OPCML: variants seen among roughly 807,000 people sequenced by gnomAD.
OPCML encodes opioid binding protein/cell adhesion molecule like, also known as opioid-binding protein/cell adhesion molecule.
A neutral mutation model predicts 37.8 loss-of-function variants in OPCML; 13 were observed. The ratio of observed to expected loss-of-function variants is 0.34; its 90% CI spans 0.22 to 0.55. OPCML has a LOEUF of 0.55. Ranked by LOEUF, OPCML falls within the 20% of genes least tolerant of loss-of-function variation. OPCML has a pLI of 0.91. For missense variants in OPCML, 341 were observed against 435.6 expected, an observed-to-expected ratio of 0.78 and a Z score of 1.93; for synonymous variants, 176 against 168.8, an observed-to-expected ratio of 1.04 and a Z score of -0.33.
At chr11:132,902,197 C>T (rs959129295) in intron 2 of OPCML, among the ~76,000 whole-genome samples, 1 of 152,196 alleles carries the variant, frequency 6.6e-6, no homozygotes, top group Admixed American at 6.5e-5. Flanking sequence ...GGAACCCCAA[C>T]TTTCTTCATT....
chr11:133,342,448 G>A (rs1236652216), intron 1 of OPCML, among the ~76,000 whole-genome samples: 2 of 152,168 alleles, frequency 1.3e-5, no homozygotes, highest in African/African-American at 2.4e-5. Flanking sequence ...CATAGAGCAG[G>A]GAAAATCACT....
intron 4 of OPCML, among the ~76,000 whole-genome samples, chr11:132,498,741 A>G (rs967250550): frequency 6.4e-5 from 9 of 140,550 alleles, no homozygotes; most frequent in Admixed American, 6.1e-4. Context: ...TGATGTTTTA[A>G]AATATGGCTC....
chr11:133,117,568 T>C (rs1949355959), intron 1 of OPCML, among the ~76,000 whole-genome samples: 1 of 152,182 alleles, frequency 6.6e-6, no homozygotes, highest in Non-Finnish European at 1.5e-5. Flanking sequence ...TTTTTCGATG[T>C]TATGCTCATA....
intron 1 of OPCML, among the ~76,000 whole-genome samples, chr11:133,196,682 G>C (rs1451543330): frequency 6.6e-6 from 1 of 152,168 alleles, no homozygotes; most frequent in Admixed American, 6.5e-5. Context: ...CAATGTTTGT[G>C]AGGAGGGTGA....
intron 1 of OPCML, among the ~76,000 whole-genome samples, chr11:133,453,604 G>A (rs745430242): frequency 8.5e-5 from 13 of 152,090 alleles, no homozygotes; most frequent in Non-Finnish European, 1.6e-4. Flanking sequence ...GTCAGCCCTG[G>A]CTACCCTTGG....
chr11:132,438,404 C>T (rs1452613467), intron 4 of OPCML, among the ~76,000 whole-genome samples: 1 of 152,250 alleles, frequency 6.6e-6, no homozygotes, highest in Non-Finnish European at 1.5e-5. Flanking sequence ...GAGCTTTCGC[C>T]ACAACCTTGT....
chr11:133,216,403 C>T (rs750270), intron 1 of OPCML, among the ~76,000 whole-genome samples: 12,518 of 152,200 alleles, frequency 0.082, 574 homozygotes, highest in Middle Eastern at 0.2. Flanking sequence ...ACGTATTAGA[C>T]GAATTTGTTC....
chr11:132,799,631 A>G (rs1938527682), intron 2 of OPCML, among the ~76,000 whole-genome samples: 1 of 152,136 alleles, frequency 6.6e-6, no homozygotes, highest in Admixed American at 6.6e-5. Flanking sequence ...TGTGAGAATT[A>G]ATAATATGTG....
chr11:133,289,674 G>C (rs555226350), intron 1 of OPCML, among the ~76,000 whole-genome samples: 3 of 151,880 alleles, frequency 2.0e-5, no homozygotes, highest in Non-Finnish European at 4.4e-5. Context: ...ACTAGGGCTA[G>C]TTTCGTTGTT....
At chr11:133,230,394 G>C (rs1331062925) in intron 1 of OPCML, among the ~76,000 whole-genome samples, 7 of 152,226 alleles carry the variant, frequency 4.6e-5, no homozygotes, top group South Asian at 2.1e-4. Flanking sequence ...GCGAGGTGCT[G>C]GACAGCCAGC....
chr11:133,449,504 T>C (rs1946536515), intron 1 of OPCML, among the ~76,000 whole-genome samples: 1 of 152,228 alleles, frequency 6.6e-6, no homozygotes, highest in Non-Finnish European at 1.5e-5. Context: ...GGAGGCTTAA[T>C]AGGACAAACA....
At chr11:132,782,576 G>A (rs79233770) in intron 2 of OPCML, among the ~76,000 whole-genome samples, 3,085 of 152,080 alleles carry the variant, frequency 0.02, 46 homozygotes, top group Middle Eastern at 0.037. Context: ...TTTTGGTCCC[G>A]CTTTTTGGCT....
intron 3 of OPCML, among the ~76,000 whole-genome samples, chr11:132,639,256 A>G (rs1456136499): frequency 6.6e-6 from 1 of 152,184 alleles, no homozygotes; most frequent in Non-Finnish European, 1.5e-5. Context: ...AAATGAGAGA[A>G]GCTTAGGTGC....
intron 2 of OPCML, among the ~76,000 whole-genome samples, chr11:132,799,302 G>A (rs1473046711): frequency 1.3e-5 from 2 of 152,120 alleles, no homozygotes; most frequent in African/African-American, 4.8e-5. Context: ...GTGAGCTCTT[G>A]CTCCTTCACC....
chr11:133,046,441 T>C (rs1170344331), intron 1 of OPCML, among the ~76,000 whole-genome samples: 2 of 152,162 alleles, frequency 1.3e-5, no homozygotes, highest in African/African-American at 4.8e-5. Flanking sequence ...CTCTCCATTC[T>C]TACAGTCTGT....
Position 132,481,616 on chromosome 11 carries a change from AT to A in OPCML, c.506-44258del, listed in dbSNP as rs1248314839. ...TCCACCCCAAATCAACAGAATATAC[AT>A]TTTTTTCAGCACCACACCACACCTA... On this transcript the variant is annotated intron_variant, in intron 4 of 7. Coordinates refer to ENST00000524381, the MANE Select transcript of OPCML (RefSeq NM_001012393.5). Among the ~76,000 whole-genome samples the A allele has an allele frequency of 2.6e-5, 4 of 151,458 alleles. No individual in the cohort carries two copies. In the East Asian group the frequency reaches 5.8e-4, roughly 22 times the overall value.
At chr11:133,329,259 C>A (rs969095706) in intron 1 of OPCML, among the ~76,000 whole-genome samples, 1 of 152,110 alleles carries the variant, frequency 6.6e-6, no homozygotes, top group South Asian at 2.1e-4. Flanking sequence ...CCATACTGCC[C>A]AAGGTAATTT....
chr11:132,783,410 G>A (rs995185615), intron 2 of OPCML, among the ~76,000 whole-genome samples: 2 of 152,122 alleles, frequency 1.3e-5, no homozygotes, highest in African/African-American at 4.8e-5. Context: ...ATGTGACCCA[G>A]GAGGCCGCAT....
intron 2 of OPCML, among the ~76,000 whole-genome samples, chr11:132,821,556 T>G (rs1323033786): frequency 6.6e-6 from 1 of 152,204 alleles, no homozygotes; most frequent in Non-Finnish European, 1.5e-5. Context: ...TCAAATATCT[T>G]CATTAAAAAT....
Sources: gnomAD v4.1 joint callset for allele counts (sites outside exome capture counted in the v4.1 genomes callset) on GRCh38, gnomAD v4.1.1 for gene constraint, MANE v1.5 for transcripts, NCBI Gene and HGNC (gene_info 2026-07-23, HGNC 2026-07-21) for gene names.